Variants in CNTNAP2 observed in about 807,000 individuals in gnomAD.
CNTNAP2 encodes the protein contactin-associated protein-like 2.
Under a neutral mutation model 155.2 loss-of-function variants are expected in CNTNAP2, and 98 were observed. The observed-to-expected ratio is 0.63, with a 90% CI of 0.54 to 0.75. The LOEUF (loss-of-function observed/expected upper bound fraction) is 0.75. Among genes scored for constraint, CNTNAP2 ranks in the 30% least tolerant of loss-of-function variants. The pLI, the probability that CNTNAP2 is intolerant of heterozygous loss-of-function variation, is 0.00. For missense variants in CNTNAP2, 1,727 were observed against 1,688.1 expected (o/e 1.02, Z -0.40); for synonymous variants, 651 against 631.2 (o/e 1.03, Z -0.47).
intron 14 of CNTNAP2, among the ~76,000 whole-genome samples, chr7:147,905,175 T>C (rs1263495078): frequency 6.6e-6 from 1 of 152,218 alleles, no homozygotes; most frequent in Non-Finnish European, 1.5e-5. Flanking sequence ...TATTACTAGT[T>C]GTGTGTTCTT....
intron 21 of CNTNAP2, among the ~76,000 whole-genome samples, chr7:148,306,693 G>A (rs867677098): frequency 6.6e-6 from 1 of 151,708 alleles, no homozygotes; most frequent in East Asian, 1.9e-4. Context: ...TATTAATGAC[G>A]GTTTTCTCCC....
chr7:147,788,125 T>C (rs1797765258), intron 13 of CNTNAP2, among the ~76,000 whole-genome samples: 1 of 152,210 alleles, frequency 6.6e-6, no homozygotes, highest in African/African-American at 2.4e-5. Flanking sequence ...TATTAACTCT[T>C]GTTATTTGTG....
intron 21 of CNTNAP2, among the ~76,000 whole-genome samples, chr7:148,343,752 C>T (rs1798274878): frequency 6.6e-6 from 1 of 152,166 alleles, no homozygotes; most frequent in Non-Finnish European, 1.5e-5. Context: ...AAATTCTGGA[C>T]TAGATTACTA....
intron 15 of CNTNAP2, among the ~76,000 whole-genome samples, chr7:148,007,624 T>C (rs1056092725): frequency 6.6e-6 from 1 of 152,176 alleles, no homozygotes; most frequent in Non-Finnish European, 1.5e-5. Flanking sequence ...GGGTACTTGA[T>C]TGAGCTTGTG....
chr7:146,817,081 C>T (rs1194007736), intron 2 of CNTNAP2, among the ~76,000 whole-genome samples: 4 of 152,142 alleles, frequency 2.6e-5, no homozygotes, highest in Admixed American at 2.6e-4. Flanking sequence ...CAGGATAACA[C>T]AGTGTCTCTG....
At chr7:148,014,229 T>C (rs181213251) in intron 15 of CNTNAP2, 28 of 150,634 alleles carry the variant, frequency 1.9e-4, no homozygotes, top group African/African-American at 6.4e-4. Flanking sequence ...GACTTTAAAC[T>C]TGATACTTGA....
chr7:147,661,455 CAGT>C (rs747455954), intron 13 of CNTNAP2, among the ~76,000 whole-genome samples: 4 of 152,044 alleles, frequency 2.6e-5, no homozygotes, highest in Non-Finnish European at 5.9e-5. Flanking sequence ...AGTGGTATTT[CAGT>C]AGTACCTGTT....
chr7:146,227,656 C>T (rs892707495), intron 1 of CNTNAP2, among the ~76,000 whole-genome samples: 19 of 151,896 alleles, frequency 1.3e-4, no homozygotes, highest in African/African-American at 4.6e-4. Context: ...ATAAAAATAA[C>T]CGGAAGAGTG....
intron 15 of CNTNAP2, among the ~76,000 whole-genome samples, chr7:148,051,826 TTTCTG>T (rs1348882267): frequency 6.6e-6 from 1 of 152,236 alleles, no homozygotes; most frequent in African/African-American, 2.4e-5. Context: ...ATTCAGTATT[TTTCTG>T]TTCTCTAAAT....
At chr7:146,424,204 T>C (rs1016622837) in intron 1 of CNTNAP2, among the ~76,000 whole-genome samples, 4 of 152,326 alleles carry the variant, frequency 2.6e-5, no homozygotes, top group Admixed American at 6.5e-5. Context: ...TAAAGTTGAA[T>C]TGAACTATGC....
intron 10 of CNTNAP2, among the ~76,000 whole-genome samples, chr7:147,399,403 C>A (rs1334415525): frequency 6.6e-6 from 1 of 152,060 alleles, no homozygotes; most frequent in Non-Finnish European, 1.5e-5. Flanking sequence ...GACCAGGGTG[C>A]TAGCACAAGA....
chr7:146,526,693 G>C (rs1797696362), intron 1 of CNTNAP2, among the ~76,000 whole-genome samples: 3 of 152,112 alleles, frequency 2.0e-5, no homozygotes, highest in Admixed American at 6.6e-5. Flanking sequence ...ACTATTGTCT[G>C]TTTCGTTCAT....
intron 8 of CNTNAP2, among the ~76,000 whole-genome samples, chr7:147,282,061 G>T (rs553447921): frequency 2.6e-5 from 4 of 151,884 alleles, no homozygotes; most frequent in Admixed American, 6.6e-5. Context: ...GACTTAATTC[G>T]CTCATCCGGC....
intron 12 of CNTNAP2, among the ~76,000 whole-genome samples, chr7:147,595,917 C>G (rs1487862751): frequency 3.3e-5 from 5 of 152,164 alleles, no homozygotes; most frequent in Non-Finnish European, 7.4e-5. Context: ...GAGGCCTTAC[C>G]CTGGGCTTTC....
chr7:148,217,697 T>C (rs1235453740), intron 19 of CNTNAP2, among the ~76,000 whole-genome samples, 173 bp downstream of exon 19: 4 of 152,242 alleles, frequency 2.6e-5, no homozygotes, highest in Non-Finnish European at 5.9e-5. Context: ...GAAAACAACT[T>C]GCCAGCTGGG....
intron 1 of CNTNAP2, among the ~76,000 whole-genome samples, chr7:146,727,574 G>A (rs972406709): frequency 2.0e-5 from 3 of 152,072 alleles, no homozygotes; most frequent in African/African-American, 4.8e-5. Context: ...GGATAGCCTC[G>A]TTGTGATTCA....
intron 1 of CNTNAP2, among the ~76,000 whole-genome samples, chr7:146,693,473 T>C (rs1424671119): frequency 1.3e-5 from 2 of 152,138 alleles, no homozygotes; most frequent in African/African-American, 4.8e-5. Flanking sequence ...TGTGTTGTTA[T>C]TATTGAAAAT....
intron 8 of CNTNAP2, among the ~76,000 whole-genome samples, chr7:147,158,750 G>A (rs1801972213): frequency 6.6e-6 from 1 of 152,012 alleles, no homozygotes; most frequent in African/African-American, 2.4e-5. Context: ...CTTCCTATAT[G>A]TGCCAGAATG....
chr7:146,406,233 G>A lies in CNTNAP2; in HGVS notation c.97+289260G>A, dbSNP rs534173302. Among the ~76,000 whole-genome samples, 7 of 152,222 alleles carry A rather than the reference G, an allele frequency of 4.6e-5. No individual in the cohort carries two copies. The East Asian group carries it at 1.4e-3, about 29-fold the overall frequency. ...TCCTGACTCTTCATAAATATGCAGT[G>A]GTGACCTTAGGACAGGGCACTGTTT... On this transcript the variant is annotated intron_variant, in intron 1 of 23. Transcript: ENST00000361727.
Sources: gnomAD v4.1 joint callset for allele counts (sites outside exome capture counted in the v4.1 genomes callset) on GRCh38, gnomAD v4.1.1 for gene constraint, MANE v1.5 for transcripts, NCBI Gene and HGNC (gene_info 2026-07-23, HGNC 2026-07-21) for gene names.